PIEZO2: variants seen among roughly 807,000 people sequenced by gnomAD.
The protein encoded by PIEZO2 is piezo-type mechanosensitive ion channel component 2.
A neutral mutation model predicts 337.3 loss-of-function variants in PIEZO2; 172 were observed. The ratio of observed to expected loss-of-function variants is 0.51; its 90% CI spans 0.45 to 0.58. PIEZO2 has a LOEUF of 0.58. PIEZO2 is among the 20% of genes least tolerant of loss of function. PIEZO2 has a pLI of 0.00. For synonymous variants in PIEZO2, 1,251 were observed against 1,228.5 expected (o/e 1.02, Z -0.38); for missense variants, 3,028 against 3,391.3 (o/e 0.89, Z 2.66).
intron 2 of PIEZO2, among the ~76,000 whole-genome samples, chr18:10,981,306 C>T (rs1387199843): frequency 6.6e-6 from 1 of 151,800 alleles, no homozygotes; most frequent in African/African-American, 2.4e-5. Flanking sequence ...TTATGTAACA[C>T]ATAATAGATA....
chr18:10,672,657 C>T lies in PIEZO2; in HGVS notation c.8345+33G>A. The T allele has an allele frequency of 6.3e-7, 1 of 1,596,962 alleles. No homozygotes were observed. The highest frequency in any genetic ancestry group is 8.5e-7 in the Non-Finnish European group (1 of 1,174,018). ...ACTTTACATGATACAGAAGTAGACT[C>T]TTGTAACTGTGAATTGTTCAATGAG... is the stretch of plus-strand genomic sequence containing the variant. On this transcript the variant is annotated intron_variant, in intron 55 of 55. Coordinates refer to ENST00000674853, the MANE Select transcript of PIEZO2 (RefSeq NM_001378183.1). The surrounding 1 kb of genome is among the most constrained non-coding windows in gnomAD (Gnocchi z 4.7).
At position 10,722,957 on chromosome 18, in the gene PIEZO2, A is replaced by ATTT. The variant is rs36042609; in HGVS notation, c.5030-4701_5030-4699dup. 4.6e-3 allele frequency among the ~76,000 whole-genome samples: 384 copies of ATTT among 84,326 alleles called. 23 individuals are homozygous for ATTT. Among genetic ancestry groups the ATTT allele is most frequent in the Non-Finnish European group, 6.2e-3 (278 of 45,160 alleles). The allele number at this position is 84,326 out of a possible 152,430, so 55.3% of individuals were successfully genotyped here. ...GACAGCATGTGTCCAGGATGCAGTGATTTTTTTTTTTTTTTTTTTTTTTTT... is the reference window on the plus strand; with the variant it reads ...GACAGCATGTGTCCAGGATGCAGTGATTTTTTTTTTTTTTTTTTTTTTTTTTTT... On this transcript the variant is annotated intron_variant, in intron 36 of 55. Transcript: ENST00000674853.
At chr18:10,718,402 A>G (rs57301962) in intron 36 of PIEZO2, 143 bp from the exon 37 acceptor site, 2 of 690,736 alleles carry the variant, frequency 2.9e-6, no homozygotes, top group South Asian at 1.9e-5. Context: ...AGGTTGTTAG[A>G]ATTCATAGCT....
rs1325804264 is a variant in PIEZO2 at position 10,872,907 on chromosome 18, G to C, written c.330-1492C>G. On this transcript the variant is annotated intron_variant, in intron 4 of 55. Transcript: ENST00000674853. The surrounding 1 kb of genome is among the most constrained non-coding windows in gnomAD (Gnocchi z 4.3). ...AGTCTGTACCAGCATTAAAACTTCTGGGGAAGATAAGATGATCCATGGAAA... is the reference window on the plus strand; with the variant it reads ...AGTCTGTACCAGCATTAAAACTTCTCGGGAAGATAAGATGATCCATGGAAA... 1.3e-5 allele frequency among the ~76,000 whole-genome samples: 2 copies of C among 152,120 alleles called. No individual in the cohort carries two copies. The highest frequency in any genetic ancestry group is 2.9e-5 in the Non-Finnish European group (2 of 68,006).
Position 10,895,201 on chromosome 18 carries a change from T to A in PIEZO2, c.329+15985A>T, listed in dbSNP as rs558948882. 6.6e-6 allele frequency among the ~76,000 whole-genome samples: 1 copy of A among 152,176 alleles called. No homozygotes were observed. The highest frequency in any genetic ancestry group is 2.4e-5 in the African/African-American group (1 of 41,528). On this transcript the variant is annotated intron_variant, in intron 4 of 55. Coordinates refer to ENST00000674853, the MANE Select transcript of PIEZO2 (RefSeq NM_001378183.1). This position sits in a 1 kb window ranked among gnomAD's most constrained non-coding sequence, Gnocchi z 4.8. ...TGGCTCATGCCTGTAATCCCAGCAT[T>A]TTGGGAGGCCAAGGTGGGTGGATCA...
chr18:10,839,326 T>A (rs2041117146), intron 7 of PIEZO2, among the ~76,000 whole-genome samples: 1 of 152,202 alleles, frequency 6.6e-6, no homozygotes, highest in African/African-American at 2.4e-5. Flanking sequence ...ACTTATTAAT[T>A]TGTCCTTTTA....
chr18:10,878,640 A>G lies in PIEZO2; in HGVS notation c.330-7225T>C, dbSNP rs1395266030. On this transcript the variant is annotated intron_variant, in intron 4 of 55. Coordinates refer to ENST00000674853, the MANE Select transcript of PIEZO2 (RefSeq NM_001378183.1). The surrounding 1 kb of genome is among the most constrained non-coding windows in gnomAD (Gnocchi z 4.3). The stretch of plus-strand genomic sequence containing the variant: ...CTCAATTTGACAGAATTTTTAATTC[A>G]CTAATTCAAAAAAATTATTAAGCAC... Among the ~76,000 whole-genome samples the G allele has an allele frequency of 2.0e-5, 3 of 152,362 alleles. No homozygotes were observed. Among genetic ancestry groups the G allele is most frequent in the Admixed American group, 6.5e-5 (1 of 15,304 alleles).
chr18:11,030,771 C>T lies in PIEZO2; in HGVS notation c.160+35356G>A, dbSNP rs538680589. Among the ~76,000 whole-genome samples the T allele has an allele frequency of 5.2e-4, 79 of 152,150 alleles. 1 individual carries two copies. The South Asian group carries it at 0.015, about 29-fold the overall frequency. ...ATCCAAAAGAACTCACTCATTGAGA[C>T]GGCAAAGTGCATCTATAAAAACAAG... On this transcript the variant is annotated intron_variant, in intron 2 of 55. Coordinates refer to ENST00000674853, the MANE Select transcript of PIEZO2 (RefSeq NM_001378183.1).
At chr18:10,836,044 T>C (rs1302672041) in intron 7 of PIEZO2, among the ~76,000 whole-genome samples, 5 of 152,228 alleles carry the variant, frequency 3.3e-5, no homozygotes, top group Non-Finnish European at 7.3e-5. Context: ...ATGCTTTTTT[T>C]CCTTCCTGTG....
At chr18:11,145,400 T>C (rs1478693884) in intron 1 of PIEZO2, among the ~76,000 whole-genome samples, 1 of 152,202 alleles carries the variant, frequency 6.6e-6, no homozygotes, top group Non-Finnish European at 1.5e-5. Context: ...ACAATAGCAG[T>C]TAATTTTTAA....
chr18:10,721,353 G>A (rs1406630855), intron 36 of PIEZO2, among the ~76,000 whole-genome samples: 2 of 152,226 alleles, frequency 1.3e-5, no homozygotes, highest in East Asian at 1.9e-4. Context: ...CTATCTGGAA[G>A]ACATGACGCC....
At chr18:10,880,762 C>T (rs1271167648) in intron 4 of PIEZO2, among the ~76,000 whole-genome samples, 1 of 148,750 alleles carries the variant, frequency 6.7e-6, no homozygotes, top group East Asian at 2.0e-4. Context: ...CACTTGGCTT[C>T]AATAACTTTA....
chr18:10,820,449 G>T (rs1275919401), intron 7 of PIEZO2, among the ~76,000 whole-genome samples: 1 of 149,212 alleles, frequency 6.7e-6, no homozygotes, highest in Non-Finnish European at 1.5e-5. Context: ...TATTTAATTT[G>T]CTCTTAAGCT....
At chr18:10,807,056 C>A in intron 8 of PIEZO2, 56 bp downstream of exon 8, 3 of 1,455,830 alleles carry the variant, frequency 2.1e-6, no homozygotes, top group Non-Finnish European at 2.8e-6. Flanking sequence ...AATCATTTCA[C>A]GTGGAGATTC....
rs1261042787 is a variant in PIEZO2 at position 11,047,127 on chromosome 18, A to G, written c.160+19000T>C. ...TGCAGGGCATGGCCTGTCCAGGTAC[A>G]CTCAGGAGCCCCGTTTTCTGCACGT... On this transcript the variant is annotated intron_variant, in intron 2 of 55. Transcript: ENST00000674853. This position sits in a 1 kb window ranked among gnomAD's most constrained non-coding sequence, Gnocchi z 7.2. 6.6e-6 allele frequency among the ~76,000 whole-genome samples: 1 copy of G among 152,090 alleles called. No homozygotes were observed. The highest frequency in any genetic ancestry group is 1.5e-5 in the Non-Finnish European group (1 of 68,000).
rs890054450 is a variant in PIEZO2, at chr18:10,716,609, G to A, written c.5090-793C>T. On this transcript the variant is annotated intron_variant, in intron 37 of 55. Coordinates refer to ENST00000674853, the MANE Select transcript of PIEZO2 (RefSeq NM_001378183.1). This position sits in a 1 kb window ranked among gnomAD's most constrained non-coding sequence, Gnocchi z 4.1. The stretch of plus-strand genomic sequence containing the variant: ...AAGCTGAATGAAGTGAGTCGCTGTG[G>A]CCGCTGAACAGGAGATGCCACGAGC... Among the ~76,000 whole-genome samples, 3 of 152,144 alleles carry A rather than the reference G, an allele frequency of 2.0e-5. No individual in the cohort carries two copies. The highest frequency in any genetic ancestry group is 7.2e-5 in the African/African-American group (3 of 41,424).
rs1157891060 is a variant in PIEZO2 at position 11,021,209 on chromosome 18, T to G, written c.161-41549A>C. Among the ~76,000 whole-genome samples, 1 of 152,116 alleles carries G rather than the reference T, an allele frequency of 6.6e-6. No homozygotes were observed. Among genetic ancestry groups the G allele is most frequent in the East Asian group, 1.9e-4 (1 of 5,172 alleles). Reference sequence around the variant, plus strand: ...CACACCATCTCAACCAGCTCAAAGTTACAACCTAACTCAACAGTGCTAGTC... The same window carrying G: ...CACACCATCTCAACCAGCTCAAAGTGACAACCTAACTCAACAGTGCTAGTC... On this transcript the variant is annotated intron_variant, in intron 2 of 55. Transcript: ENST00000674853. This position sits in a 1 kb window ranked among gnomAD's most constrained non-coding sequence, Gnocchi z 4.7.
At chr18:10,892,091 C>A (rs1476578961) in intron 4 of PIEZO2, among the ~76,000 whole-genome samples, 1 of 152,142 alleles carries the variant, frequency 6.6e-6, no homozygotes, top group Non-Finnish European at 1.5e-5. Flanking sequence ...TCCACACAAC[C>A]ACCTGCCTGC....
Position 10,715,827 on chromosome 18 carries a change from G to A in PIEZO2, c.5090-11C>T. ...TCTTGATGATATTATCTAGGAGGAAGAAAGGCAACAAGATGTTAAAGGAAC... is the reference window on the plus strand; with the variant it reads ...TCTTGATGATATTATCTAGGAGGAAAAAAGGCAACAAGATGTTAAAGGAAC... On this transcript the variant is annotated splice_polypyrimidine_tract_variant and intron_variant, in intron 37 of 55. Transcript: ENST00000674853. 2.7e-6 allele frequency: 4 copies of A among 1,506,984 alleles called. No individual in the cohort carries two copies. The highest frequency in any genetic ancestry group is 3.6e-6 in the Non-Finnish European group (4 of 1,126,616). 93.4% of individuals were successfully genotyped at this position (1,506,984 alleles called of 1,614,324 possible).
Sources: gnomAD v4.1 joint callset for allele counts (sites outside exome capture counted in the v4.1 genomes callset) on GRCh38, gnomAD v4.1.1 for gene constraint, Gnocchi (gnomAD v3.1) non-coding constraint, MANE v1.5 for transcripts, NCBI Gene and HGNC (gene_info 2026-07-23, HGNC 2026-07-21) for gene names.